Variants in NLGN1 observed in about 807,000 individuals in gnomAD.
The protein encoded by NLGN1 is neuroligin-1.
In NLGN1, 12 loss-of-function variants were observed where a neutral mutation model predicts 65.5. The ratio of observed to expected loss-of-function variants is 0.18; its 90% CI spans 0.12 to 0.30. The LOEUF is 0.30. Among genes scored for constraint, NLGN1 ranks in the 10% least tolerant of loss-of-function variants. The probability of loss-of-function intolerance (pLI) is 1.00; values close to 1 mark genes in which losing one functional copy is unlikely to be tolerated. For synonymous variants in NLGN1, 350 were observed against 359.5 expected (o/e 0.97, Z 0.30); for missense variants, 750 against 1,007.1 (o/e 0.74, Z 3.46).
At chr3:173,538,034 C>G (rs1737746541) in intron 2 of NLGN1, among the ~76,000 whole-genome samples, 1 of 152,154 alleles carries the variant, frequency 6.6e-6, no homozygotes, top group Non-Finnish European at 1.5e-5. Context: ...ATTTCTTTCC[C>G]TGAAACTAAG....
intron 4 of NLGN1, among the ~76,000 whole-genome samples, chr3:173,997,594 C>T (rs558751170): frequency 1.3e-5 from 2 of 152,138 alleles, no homozygotes; most frequent in South Asian, 4.1e-4. Flanking sequence ...TGACTGTGTT[C>T]CCGGCAATAT....
chr3:173,615,096 T>C (rs1183736113), intron 3 of NLGN1, among the ~76,000 whole-genome samples: 3 of 152,126 alleles, frequency 2.0e-5, no homozygotes, highest in Non-Finnish European at 2.9e-5. Context: ...CAAAGGGTGT[T>C]CTTATAGGGG....
In NLGN1 at chr3:173,485,247, CACA is replaced by C. The variant is rs530386262; in HGVS notation, c.-321+50173_-321+50175del. On this transcript the variant is annotated intron_variant, in intron 2 of 6. Coordinates refer to ENST00000457714, the Ensembl canonical transcript of NLGN1. ...CAGTCATCTCCCACTGAGTCCCTCCCACAACATGTGGGAATTATGGGAGCTACA... is the reference window on the plus strand; with the variant it reads ...CAGTCATCTCCCACTGAGTCCCTCCCACATGTGGGAATTATGGGAGCTACA... Among the ~76,000 whole-genome samples, 549 of 152,116 alleles carry C rather than the reference CACA, an allele frequency of 3.6e-3. 6 individuals carry two copies. The highest frequency in any genetic ancestry group is 0.012 in the African/African-American group (517 of 41,474).
At chr3:173,496,745 TACTC>T (rs1730088422) in intron 2 of NLGN1, among the ~76,000 whole-genome samples, 1 of 151,908 alleles carries the variant, frequency 6.6e-6, no homozygotes, top group African/African-American at 2.4e-5. Flanking sequence ...TAATTAATAT[TACTC>T]ACGTGTTTAA....
intron 4 of NLGN1, among the ~76,000 whole-genome samples, chr3:174,133,542 G>A (rs1039590338): frequency 6.6e-6 from 1 of 152,118 alleles, no homozygotes; most frequent in Non-Finnish European, 1.5e-5. Context: ...GTTGGGAAGG[G>A]GGTAGACAGT....
chr3:173,473,785 C>T (rs1725722306), intron 2 of NLGN1, among the ~76,000 whole-genome samples: 1 of 152,222 alleles, frequency 6.6e-6, no homozygotes, highest in Non-Finnish European at 1.5e-5. Flanking sequence ...AAGTCAACTT[C>T]TCTGCATCAT....
chr3:173,795,473 G>A (rs1032227485), intron 3 of NLGN1, among the ~76,000 whole-genome samples: 3 of 151,974 alleles, frequency 2.0e-5, no homozygotes, highest in African/African-American at 7.2e-5. Flanking sequence ...TATCAAATTA[G>A]CGAGAATGAT....
intron 1 of NLGN1, among the ~76,000 whole-genome samples, chr3:173,425,997 A>C (rs990193933): frequency 6.6e-6 from 1 of 152,026 alleles, no homozygotes; most frequent in African/African-American, 2.4e-5. Flanking sequence ...TGTCATTTTT[A>C]ATTTCATTCT....
At chr3:174,047,478 C>T (rs1454637059) in intron 4 of NLGN1, among the ~76,000 whole-genome samples, 4 of 151,934 alleles carry the variant, frequency 2.6e-5, no homozygotes, top group African/African-American at 9.7e-5. Flanking sequence ...GAGTTGCCAC[C>T]ATATGCACAT....
At chr3:173,978,224 T>C (rs1430017657) in intron 4 of NLGN1, among the ~76,000 whole-genome samples, 1 of 152,136 alleles carries the variant, frequency 6.6e-6, no homozygotes, top group African/African-American at 2.4e-5. Context: ...AAGGACCAAA[T>C]GTCTCTTCCT....
intron 4 of NLGN1, among the ~76,000 whole-genome samples, chr3:174,026,196 T>C (rs1579847529): frequency 6.6e-6 from 1 of 152,140 alleles, no homozygotes; most frequent in African/African-American, 2.4e-5. Flanking sequence ...GCACAATCAC[T>C]GCTCACTGCA....
chr3:174,225,709 G>C (rs557812690), intron 4 of NLGN1, among the ~76,000 whole-genome samples: 15 of 151,764 alleles, frequency 9.9e-5, no homozygotes, highest in Admixed American at 4.6e-4. Flanking sequence ...CCAGCCTGGG[G>C]GACAGAGCGA....
chr3:173,921,455 AG>A (rs1224562015), intron 4 of NLGN1, among the ~76,000 whole-genome samples: 7 of 151,502 alleles, frequency 4.6e-5, no homozygotes, highest in Admixed American at 1.3e-4. Context: ...CTTTCTCTAA[AG>A]GCTTCATTTA....
intron 2 of NLGN1, among the ~76,000 whole-genome samples, chr3:173,485,352 A>T (rs1428780196): frequency 6.6e-6 from 1 of 152,088 alleles, no homozygotes; most frequent in African/African-American, 2.4e-5. Context: ...AGATTATAAA[A>T]AACTATAGGA....
At chr3:173,831,473 G>A (rs1023869813) in intron 4 of NLGN1, among the ~76,000 whole-genome samples, 2 of 152,178 alleles carry the variant, frequency 1.3e-5, no homozygotes, top group Non-Finnish European at 2.9e-5. Context: ...AACTACTACA[G>A]TGGCAAGATG....
intron 4 of NLGN1, among the ~76,000 whole-genome samples, chr3:174,186,716 G>A (rs927290169): frequency 6.6e-6 from 1 of 151,948 alleles, no homozygotes; most frequent in African/African-American, 2.4e-5. Context: ...GATTGCTGAT[G>A]CTTAAATTAT....
chr3:173,724,266 A>G (rs998810224), intron 3 of NLGN1, among the ~76,000 whole-genome samples: 1 of 152,108 alleles, frequency 6.6e-6, no homozygotes, highest in Non-Finnish European at 1.5e-5. Flanking sequence ...GTGTTTCTCC[A>G]TTTTTCACTA....
chr3:173,596,324 C>T (rs1379357154), intron 2 of NLGN1, among the ~76,000 whole-genome samples: 2 of 152,124 alleles, frequency 1.3e-5, no homozygotes, highest in Non-Finnish European at 2.9e-5. Flanking sequence ...GGGGGCTGCC[C>T]ACGATTTCTC....
chr3:173,602,956 C>T (rs1289197231), intron 2 of NLGN1, among the ~76,000 whole-genome samples: 1 of 152,096 alleles, frequency 6.6e-6, no homozygotes, highest in East Asian at 1.9e-4. Context: ...TGAATTAACA[C>T]AGACTAAAGT....
Sources: allele counts gnomAD v4.1 joint callset (sites outside exome capture counted in the v4.1 genomes callset), GRCh38; gene constraint gnomAD v4.1.1; transcripts MANE v1.5; gene names NCBI Gene and HGNC (gene_info 2026-07-23, HGNC 2026-07-21).